WDR7: variants seen among roughly 807,000 people sequenced by gnomAD.
WDR7 encodes the protein WD repeat domain 7.
Under a neutral mutation model 169.4 loss-of-function variants are expected in WDR7, and 46 were observed. The ratio of observed to expected loss-of-function variants is 0.27; its 90% confidence interval spans 0.21 to 0.35. WDR7 has a LOEUF of 0.35. Among genes scored for constraint, WDR7 ranks in the 10% least tolerant of loss-of-function variants. The pLI is 1.00. For synonymous variants in WDR7, 612 were observed against 666.8 expected, an observed-to-expected ratio of 0.92 and a Z score of 1.27; for missense variants, 1,534 against 1,859.3, an observed-to-expected ratio of 0.83 and a Z score of 3.22.
intron 25 of WDR7, among the ~76,000 whole-genome samples, chr18:56,957,018 A>G (rs2047260380): frequency 6.6e-6 from 1 of 152,166 alleles, no homozygotes; most frequent in South Asian, 2.1e-4. Context: ...ATATGCTTTG[A>G]TGCAGCTTTG....
At chr18:57,016,686 A>G (rs548500270) in intron 26 of WDR7, among the ~76,000 whole-genome samples, 2 of 152,342 alleles carry the variant, frequency 1.3e-5, no homozygotes, top group African/African-American at 4.8e-5. Context: ...TTTGCAGAGC[A>G]CATTGAAAAT....
At chr18:56,977,292 A>C (rs1382414467) in intron 26 of WDR7, among the ~76,000 whole-genome samples, 1 of 152,230 alleles carries the variant, frequency 6.6e-6, no homozygotes, top group Non-Finnish European at 1.5e-5. Flanking sequence ...AAGTAACTAG[A>C]CATTAATAGT....
At chr18:56,743,477 G>A (rs566432967) in intron 14 of WDR7, among the ~76,000 whole-genome samples, 57 of 152,262 alleles carry the variant, frequency 3.7e-4, no homozygotes, top group African/African-American at 1.3e-3. Context: ...GTAAACAGAG[G>A]GAATCAAGAG....
intron 26 of WDR7, among the ~76,000 whole-genome samples, chr18:56,983,919 GT>G (rs1031887068): frequency 2.0e-5 from 3 of 151,978 alleles, no homozygotes; most frequent in African/African-American, 7.2e-5. Context: ...CACAATTGCA[GT>G]TTTTTCTTTT....
intron 21 of WDR7, among the ~76,000 whole-genome samples, chr18:56,892,253 T>C (rs561360720): frequency 1.3e-5 from 2 of 152,268 alleles, no homozygotes; most frequent in Non-Finnish European, 2.9e-5. Flanking sequence ...TGTAGAGTGC[T>C]TGTATTTATT....
chr18:56,803,338 T>C (rs1451928365), intron 19 of WDR7, among the ~76,000 whole-genome samples: 1 of 152,226 alleles, frequency 6.6e-6, no homozygotes, highest in Admixed American at 6.5e-5. Flanking sequence ...TTTCAAATCA[T>C]TTATTCACTA....
intron 1 of WDR7, among the ~76,000 whole-genome samples, chr18:56,667,240 C>T (rs146966131): frequency 8.6e-4 from 131 of 152,266 alleles, no homozygotes; most frequent in African/African-American, 3.1e-3. Context: ...TTACGTATTT[C>T]GCCAAACCCC....
At chr18:56,691,511 A>G (rs2025569629) in intron 8 of WDR7, 150 bp downstream of exon 8, 3 of 1,101,086 alleles carry the variant, frequency 2.7e-6, no homozygotes, top group Non-Finnish European at 3.6e-6. Context: ...TTTAATTCCA[A>G]TTTAACTTCT....
chr18:56,954,042 C>T (rs1457546344), intron 25 of WDR7, among the ~76,000 whole-genome samples: 1 of 152,104 alleles, frequency 6.6e-6, no homozygotes, highest in African/African-American at 2.4e-5. Context: ...CTTTGGCTTT[C>T]CAGTAGATAT....
downstream of WDR7, chr18:57,032,231 T>C (rs568174922): frequency 6.6e-6 from 1 of 152,284 alleles, no homozygotes; most frequent in African/African-American, 2.4e-5. Context: ...CAGGGGTGAC[T>C]TTGAGTTTCT....
chr18:57,012,135 G>A (rs12963868), intron 26 of WDR7, among the ~76,000 whole-genome samples: 27,271 of 152,028 alleles, frequency 0.18, 3,212 homozygotes, highest in Middle Eastern at 0.32. Flanking sequence ...CAGTGAAGAA[G>A]GCCAGGACAA....
At chr18:56,924,202 A>G (rs762288387) in intron 22 of WDR7, 94 bp downstream of exon 22, 292 of 1,362,418 alleles carry the variant, frequency 2.1e-4, no homozygotes, top group Non-Finnish European at 2.7e-4. Context: ...TAGATTGTGC[A>G]TGTTTAATAG....
intron 26 of WDR7, among the ~76,000 whole-genome samples, chr18:57,014,137 C>T (rs2048174857): frequency 6.6e-6 from 1 of 151,846 alleles, no homozygotes; most frequent in South Asian, 2.1e-4. Context: ...ACCAGCCTGG[C>T]CAACTTGGGG....
chr18:56,935,014 A>G (rs2046938695), intron 22 of WDR7, among the ~76,000 whole-genome samples: 1 of 152,146 alleles, frequency 6.6e-6, no homozygotes, highest in Admixed American at 6.5e-5. Context: ...AAGAATATTG[A>G]TATTTTCATG....
intron 22 of WDR7, among the ~76,000 whole-genome samples, chr18:56,930,264 G>A (rs889924460): frequency 2.0e-5 from 3 of 152,184 alleles, no homozygotes; most frequent in African/African-American, 7.2e-5. Flanking sequence ...TACATAGAAT[G>A]CGAGAAAAAC....
At chr18:56,776,295 T>C (rs2044242012) in intron 16 of WDR7, among the ~76,000 whole-genome samples, 1 of 152,120 alleles carries the variant, frequency 6.6e-6, no homozygotes, top group Admixed American at 6.5e-5. Context: ...TTTCATAAAA[T>C]AAGTGTGAAA....
In WDR7 at chr18:56,691,831, G is replaced by A. The variant is rs2110414; in HGVS notation, c.966+14G>A. 0.84 allele frequency: 1,341,374 copies of A among 1,587,798 alleles called. 577,224 individuals carry two copies. The highest frequency in any genetic ancestry group is 0.96 in the East Asian group (42,786 of 44,448). ...AAAGATAAAGAGGTAAAATTCTTGA[G>A]GTGTCATTTATAATTGAAAGTTACA... On this transcript the variant is annotated intron_variant, in intron 9 of 27. Coordinates refer to ENST00000254442, the MANE Select transcript of WDR7 (RefSeq NM_015285.3).
At chr18:56,911,363 A>G (rs1039633106) in intron 21 of WDR7, among the ~76,000 whole-genome samples, 2 of 152,196 alleles carry the variant, frequency 1.3e-5, no homozygotes, top group South Asian at 4.1e-4. Context: ...TTAAACAAAG[A>G]TGTCCAGACT....
chr18:56,968,872 G>T (rs895994275), intron 26 of WDR7, among the ~76,000 whole-genome samples: 2 of 152,052 alleles, frequency 1.3e-5, no homozygotes. Context: ...TCATTTACTG[G>T]ATTTCCTAAT....
Sources: allele counts gnomAD v4.1 joint callset (sites outside exome capture counted in the v4.1 genomes callset), GRCh38; gene constraint gnomAD v4.1.1; transcripts MANE v1.5; gene names NCBI Gene and HGNC (gene_info 2026-07-23, HGNC 2026-07-21).